TAB2: variants seen among roughly 807,000 people sequenced by gnomAD.
TAB2 encodes TGF-beta activated kinase 1 (MAP3K7) binding protein 2.
TAB2 carries 3 observed loss-of-function variants against 65.0 expected under a neutral mutation model. The ratio of observed to expected loss-of-function variants is 0.05; its 90% CI spans 0.02 to 0.12. TAB2 has a LOEUF of 0.12. Among genes scored for constraint, TAB2 ranks in the 10% least tolerant of loss-of-function variants. The pLI is 1.00. For synonymous variants in TAB2, 298 were observed against 285.1 expected, an observed-to-expected ratio of 1.05 and a Z score of -0.46; for missense variants, 623 against 840.3, an observed-to-expected ratio of 0.74 and a Z score of 3.20.
intron 1 of TAB2, among the ~76,000 whole-genome samples, chr6:149,346,954 T>C (rs1337623835): frequency 6.6e-6 from 1 of 152,206 alleles, no homozygotes; most frequent in East Asian, 1.9e-4. Flanking sequence ...AATAGGAACT[T>C]ATTATCATAC....
chr6:149,225,308 A>C (rs1401988766), intron 1 of TAB2, among the ~76,000 whole-genome samples: 3 of 152,234 alleles, frequency 2.0e-5, no homozygotes, highest in African/African-American at 7.2e-5. Context: ...AACTAGATCC[A>C]ATTTGTACAT....
intron 1 of TAB2, among the ~76,000 whole-genome samples, chr6:149,350,854 G>T (rs1201932882): frequency 6.6e-6 from 1 of 152,074 alleles, no homozygotes; most frequent in Non-Finnish European, 1.5e-5. Flanking sequence ...ATAAAATGAT[G>T]TATATATATA....
intron 3 of TAB2, 31 bp downstream of exon 3, chr6:149,379,549 TC>T (rs1170066489): frequency 1.2e-6 from 2 of 1,608,210 alleles, no homozygotes; most frequent in African/African-American, 2.7e-5. Context: ...GGGATGGTTT[TC>T]CATGCTGGGC....
intron 1 of TAB2, among the ~76,000 whole-genome samples, chr6:149,287,908 G>A (rs550564225): frequency 3.9e-5 from 6 of 152,192 alleles, no homozygotes; most frequent in Non-Finnish European, 7.4e-5. Context: ...TCACTAAATC[G>A]TTTCTCACTA....
chr6:149,281,290 G>A (rs919747167), intron 1 of TAB2, among the ~76,000 whole-genome samples: 2 of 151,974 alleles, frequency 1.3e-5, no homozygotes, highest in African/African-American at 2.4e-5. Flanking sequence ...TACTCCATGC[G>A]AACTGGTACG....
intron 1 of TAB2, among the ~76,000 whole-genome samples, chr6:149,355,137 C>G (rs1331223697): frequency 2.0e-5 from 3 of 151,982 alleles, no homozygotes; most frequent in Non-Finnish European, 4.4e-5. Flanking sequence ...ATGCGCCGCC[C>G]CTATACTTTT....
intron 1 of TAB2, among the ~76,000 whole-genome samples, chr6:149,342,046 T>TTA (rs368636069): frequency 1.2e-3 from 183 of 148,628 alleles, no homozygotes; most frequent in Non-Finnish European, 2.0e-3. Context: ...TAACAAAAAT[T>TTA]AAAAAAAAAA....
intron 1 of TAB2, among the ~76,000 whole-genome samples, chr6:149,289,371 G>A (rs1043693677): frequency 6.0e-5 from 9 of 148,966 alleles, no homozygotes; most frequent in Non-Finnish European, 4.4e-5. Context: ...TCTAGCCTGA[G>A]TGACATAGCA....
Position 149,241,255 on chromosome 6 carries a change from C to G in TAB2, c.-121+22479C>G, listed in dbSNP as rs73601890. Among the ~76,000 whole-genome samples, 843 of 152,242 alleles carry G rather than the reference C, an allele frequency of 5.5e-3. 9 individuals are homozygous for G. The highest frequency in any genetic ancestry group is 0.02 in the African/African-American group (818 of 41,558). On this transcript the variant is annotated intron_variant, in intron 1 of 1. Transcript: ENST00000606202. ...ATTTTGTTAGGGCAGCCTGAGCAGA[C>G]TAAAACAATAGATTTTGGGCTCAGT...
intron 3 of TAB2, among the ~76,000 whole-genome samples, chr6:149,385,999 C>G (rs933525472): frequency 6.6e-6 from 1 of 152,140 alleles, no homozygotes; most frequent in African/African-American, 2.4e-5. Flanking sequence ...TATCCCCTTC[C>G]CATTAGATTC....
At chr6:149,242,695 C>G (rs1424332190) in intron 1 of TAB2, among the ~76,000 whole-genome samples, 1 of 152,142 alleles carries the variant, frequency 6.6e-6, no homozygotes, top group East Asian at 1.9e-4. Flanking sequence ...TCTATGAATC[C>G]CAAGATAGCC....
intron 1 of TAB2, among the ~76,000 whole-genome samples, chr6:149,240,361 C>T (rs1329335974): frequency 6.6e-6 from 1 of 152,088 alleles, no homozygotes; most frequent in African/African-American, 2.4e-5. Context: ...GCAGGTTCCT[C>T]CAGTCTATGA....
At chr6:149,220,072 T>C (rs1252404663) in intron 1 of TAB2, among the ~76,000 whole-genome samples, 1 of 152,200 alleles carries the variant, frequency 6.6e-6, no homozygotes, top group Non-Finnish European at 1.5e-5. Context: ...TTTAAAAAAA[T>C]GAGTAAGATG....
intron 1 of TAB2, among the ~76,000 whole-genome samples, chr6:149,355,424 G>T (rs986263472): frequency 2.6e-5 from 4 of 152,002 alleles, no homozygotes; most frequent in Admixed American, 6.6e-5. Flanking sequence ...CCAGCACTTT[G>T]GGAGGCCGAG....
intron 1 of TAB2, among the ~76,000 whole-genome samples, chr6:149,336,338 C>G (rs1281348326): frequency 6.6e-6 from 1 of 152,106 alleles, no homozygotes; most frequent in East Asian, 1.9e-4. Context: ...TCTGTTTTAA[C>G]TCCTTAGTGG....
chr6:149,407,370 T>C (rs189955130), intron 6 of TAB2, among the ~76,000 whole-genome samples: 2 of 152,330 alleles, frequency 1.3e-5, no homozygotes, highest in Admixed American at 1.3e-4. Context: ...AGAATAATAA[T>C]AATCTGTTAT....
At chr6:149,339,499 T>C (rs1780033785) in intron 1 of TAB2, among the ~76,000 whole-genome samples, 1 of 152,194 alleles carries the variant, frequency 6.6e-6, no homozygotes, top group African/African-American at 2.4e-5. Context: ...GACTCATACA[T>C]TGACACTGTC....
At chr6:149,286,510 T>C (rs1228773996) in intron 1 of TAB2, among the ~76,000 whole-genome samples, 2 of 152,244 alleles carry the variant, frequency 1.3e-5, no homozygotes, top group Non-Finnish European at 2.9e-5. Context: ...TGGTTCAAAC[T>C]TTTTGGAGAG....
At chr6:149,332,253 A>G (rs943070570) in intron 1 of TAB2, among the ~76,000 whole-genome samples, 3 of 152,204 alleles carry the variant, frequency 2.0e-5, no homozygotes, top group Admixed American at 6.5e-5. Flanking sequence ...ATGGAATTCA[A>G]GCAAGAGATT....
Sources: allele counts gnomAD v4.1 joint callset (sites outside exome capture counted in the v4.1 genomes callset), GRCh38; gene constraint gnomAD v4.1.1; transcripts MANE v1.5; gene names NCBI Gene and HGNC (gene_info 2026-07-23, HGNC 2026-07-21).